Variants in ZNF726 observed in about 807,000 individuals in gnomAD.
ZNF726 encodes zinc finger protein 726.
Under a neutral mutation model 11.6 loss-of-function variants are expected in ZNF726, and 15 were observed. The ratio of observed to expected loss-of-function variants is 1.29; its 90% CI spans 0.86 to 1.99. ZNF726 has a LOEUF of 1.99. ZNF726 is among the 30% of genes most tolerant of loss of function. The pLI is 0.00. For missense variants in ZNF726, 890 were observed against 725.6 expected (o/e 1.23, Z -2.60); for synonymous variants, 295 against 243.6 (o/e 1.21, Z -1.96).
downstream of ZNF726, among the ~76,000 whole-genome samples, chr19:23,937,434 G>A (rs1023204767): frequency 2.1e-4 from 32 of 151,592 alleles, no homozygotes; most frequent in African/African-American, 6.3e-4. Flanking sequence ...CAGACGGGGC[G>A]GTTGCCAGGC....
chr19:23,916,178 T>C (rs10421297), intron 1 of ZNF726, among the ~76,000 whole-genome samples: 54,074 of 152,018 alleles, frequency 0.36, 9,892 homozygotes, highest in Middle Eastern at 0.45. Flanking sequence ...CCCTCATCCC[T>C]TATTCCTCCA....
At chr19:23,923,229 C>G (rs1017533016) in intron 3 of ZNF726, among the ~76,000 whole-genome samples, 1 of 151,982 alleles carries the variant, frequency 6.6e-6, no homozygotes, top group Admixed American at 6.6e-5. Flanking sequence ...CTATTCTTTG[C>G]TTCTAAACTT....
intron 2 of ZNF726, 85 bp downstream of exon 2, chr19:23,919,584 T>C: frequency 7.0e-7 from 1 of 1,438,192 alleles, no homozygotes; most frequent in South Asian, 1.4e-5. Flanking sequence ...TAATTTATGC[T>C]TTCCTATTTC....
intron 1 of ZNF726, 72 bp downstream of exon 1, chr19:23,915,069 C>T (rs1967663110): frequency 3.1e-6 from 5 of 1,608,736 alleles, no homozygotes; most frequent in African/African-American, 1.3e-5. Context: ...GCGGCAGTGG[C>T]GGGACTCAGG....
rs747918023 is a variant in ZNF726, at chr19:23,933,806, C to A, written c.1690C>A (p.Pro564Thr). The change falls in exon 4 of 4, where the codon CCT becomes ACT. Residue 564 changes from proline to threonine, a missense_variant. Transcript: ENST00000594466. ...TAAGATAATTCATACTGGAGAGAAA[C>A]CTTACAAGTGTGAAGAATGTGGAAA... ...THKIIHTGEK[P>T]YKCEECGKAF... 15 of 1,606,060 alleles carry A rather than the reference C, an allele frequency of 9.3e-6. No individual in the cohort carries two copies. The highest frequency in any genetic ancestry group is 1.2e-5 in the Non-Finnish European group (14 of 1,176,932).
Position 23,933,153 on chromosome 19 carries a change from G to C in ZNF726, c.1037G>C (p.Cys346Ser). 1 of 1,600,550 alleles carries C rather than the reference G, an allele frequency of 6.2e-7. No homozygotes were observed. Among genetic ancestry groups the C allele is most frequent in the Non-Finnish European group, 8.5e-7 (1 of 1,173,450 alleles). The change falls in exon 4 of 4, where the codon TGT becomes TCT. Residue 346 changes from cysteine to serine, a missense_variant. Physicochemically the swap from Cys to Ser is moderately radical, Grantham distance 112. Transcript: ENST00000594466. Reference protein sequence around the residue: ...SGEKPYKCEECAKAFSQFGHL... With the variant: ...SGEKPYKCEESAKAFSQFGHL... ...GAGAAACCCTACAAATGTGAAGAATGTGCCAAAGCTTTTAGCCAATTCGGA... is the reference window on the plus strand; with the variant it reads ...GAGAAACCCTACAAATGTGAAGAATCTGCCAAAGCTTTTAGCCAATTCGGA...
chr19:23,943,281 C>A (rs1433157552), intron 3 of ZNF726, among the ~76,000 whole-genome samples: 1 of 152,208 alleles, frequency 6.6e-6, no homozygotes, highest in African/African-American at 2.4e-5. Flanking sequence ...ATCCAATATC[C>A]AGGACCAATT....
chr19:23,931,655 T>C (rs1968108465), intron 3 of ZNF726, among the ~76,000 whole-genome samples: 1 of 152,190 alleles, frequency 6.6e-6, no homozygotes, highest in Non-Finnish European at 1.5e-5. Context: ...CTGAAAACAA[T>C]TGTCTTGGCT....
intron 3 of ZNF726, among the ~76,000 whole-genome samples, chr19:23,939,901 T>A (rs116960432): frequency 0.015 from 2,248 of 145,648 alleles, 33 homozygotes; most frequent in Middle Eastern, 0.026. Context: ...TTCGTTTGAG[T>A]TCACTGTAGA....
intron 3 of ZNF726, among the ~76,000 whole-genome samples, chr19:23,929,610 G>A (rs1334515097): frequency 6.6e-6 from 1 of 152,096 alleles, no homozygotes; most frequent in African/African-American, 2.4e-5. Context: ...ATGAGTCTTG[G>A]GTTGGGACAT....
chr19:23,920,081 A>G lies in ZNF726; in HGVS notation c.225A>G (p.Pro75=), dbSNP rs1247156631. ...GAGATGAGATGGTGGATGAACCCCC[A>G]GGTAGGTGAGAGTGAATACAACAGA... is the stretch of plus-strand genomic sequence containing the variant. ...MKRDEMVDEP[P]GICPHFAQDI... is the part of the protein sequence containing the mutation. Residue 75 remains proline, a splice_region_variant and synonymous_variant, in exon 3 of 4, where the codon CCA becomes CCG. Transcript: ENST00000594466. 1.9e-6 allele frequency: 3 copies of G among 1,574,882 alleles called. No individual in the cohort carries two copies. The highest frequency in any genetic ancestry group is 4.7e-5 in the East Asian group (2 of 42,830).
Position 23,915,006 on chromosome 19 carries a change from G to GC in ZNF726, c.3+11dup. 6.2e-7 allele frequency: 1 copy of GC among 1,613,794 alleles called. No individual in the cohort carries two copies. The highest frequency in any genetic ancestry group is 8.5e-7 in the Non-Finnish European group (1 of 1,180,000). On this transcript the variant is annotated intron_variant, in intron 1 of 3. Transcript: ENST00000594466. Reference sequence around the variant, plus strand: ...CTGGAAGCCTAGAAATGGTGAGAGTGCCGGGTGCGACATCCCAAGAGAGGG... The same window carrying GC: ...CTGGAAGCCTAGAAATGGTGAGAGTGCCCGGGTGCGACATCCCAAGAGAGGG...
At chr19:23,927,868 TGACTG>T (rs1968022270) in intron 3 of ZNF726, 1 of 152,234 alleles carries the variant, frequency 6.6e-6, no homozygotes, top group South Asian at 2.1e-4. Flanking sequence ...TTCTTGCTTT[TGACTG>T]GAAAGTTCTG....
chr19:23,938,609 T>C (rs1484927009), downstream of ZNF726, among the ~76,000 whole-genome samples: 8 of 146,352 alleles, frequency 5.5e-5, no homozygotes, highest in African/African-American at 7.6e-5. Context: ...CTTTTTTTTT[T>C]CCTTTTTTTT....
At chr19:23,920,408 ACT>A (rs1967815153) in intron 3 of ZNF726, 1 of 168,206 alleles carries the variant, frequency 5.9e-6, no homozygotes, top group African/African-American at 2.4e-5. Context: ...GTTTTGAGAC[ACT>A]CTATGTTAAA....
At chr19:23,923,154 T>C (rs987485575) in intron 3 of ZNF726, among the ~76,000 whole-genome samples, 1 of 152,100 alleles carries the variant, frequency 6.6e-6, no homozygotes, top group African/African-American at 2.4e-5. Context: ...TCCCCAAATA[T>C]TTGTTTCACA....
intron 3 of ZNF726, chr19:23,920,481 G>C (rs954002354): frequency 1.2e-5 from 2 of 161,242 alleles, no homozygotes; most frequent in African/African-American, 4.8e-5. Flanking sequence ...GCAATGGTGC[G>C]ATCTCGGCTC....
intron 3 of ZNF726, chr19:23,923,314 A>T (rs550191985): frequency 1.1e-5 from 4 of 349,918 alleles, no homozygotes; most frequent in South Asian, 8.3e-5. Context: ...TTTCTTTTAA[A>T]TGCTTATCTA....
chr19:23,941,940 C>G (rs1328730848), intron 3 of ZNF726, among the ~76,000 whole-genome samples: 1 of 151,636 alleles, frequency 6.6e-6, no homozygotes, highest in Non-Finnish European at 1.5e-5. Context: ...TTTCATTTAC[C>G]TTTTTTATTT....
Sources: gnomAD v4.1 joint callset for allele counts (sites outside exome capture counted in the v4.1 genomes callset) on GRCh38, gnomAD v4.1.1 for gene constraint, MANE v1.5 for transcripts, NCBI Gene and HGNC (gene_info 2026-07-23, HGNC 2026-07-21) for gene names.